EYS: variants seen among roughly 807,000 people sequenced by gnomAD.
The protein encoded by EYS is protein eyes shut homolog.
A neutral mutation model predicts 282.1 loss-of-function variants in EYS; 250 were observed. That is an observed-to-expected ratio of 0.89 (90% confidence interval 0.80 to 0.98). EYS has a LOEUF of 0.98. Ranked by LOEUF, EYS falls within the 50% of genes least tolerant of loss-of-function variation. The probability of loss-of-function intolerance (pLI) is 0.00; values close to 1 mark genes in which losing one functional copy is unlikely to be tolerated. For synonymous variants in EYS, 1,355 were observed against 1,282.9 expected (o/e 1.06, Z -1.20); for missense variants, 4,016 against 3,709.0 (o/e 1.08, Z -2.15).
chr6:65,512,131 C>T lies in EYS; in HGVS notation c.-332-16138G>A, dbSNP rs186823905. On this transcript the variant is annotated intron_variant, in intron 2 of 42. Transcript: ENST00000503581. ...CCATTTCTGTGAAATTTTTCCCTAA[C>T]TTTCCGGCACACTTAGACATTACTA... Among the ~76,000 whole-genome samples, 174 of 152,062 alleles carry T rather than the reference C, an allele frequency of 1.1e-3. 1 individual carries two copies. Among genetic ancestry groups the T allele is most frequent in the Non-Finnish European group, 1.8e-4 (12 of 67,992 alleles).
chr6:65,694,085 T>C (rs1769344915), intron 1 of EYS, among the ~76,000 whole-genome samples: 1 of 150,134 alleles, frequency 6.7e-6, no homozygotes, highest in Non-Finnish European at 1.5e-5. Flanking sequence ...TTAAAAATTA[T>C]GTATAATAAC....
At chr6:65,324,159 G>T (rs4032788) in intron 11 of EYS, among the ~76,000 whole-genome samples, 1 of 151,390 alleles carries the variant, frequency 6.6e-6, no homozygotes, top group African/African-American at 2.4e-5. Context: ...CCCTTTCCCA[G>T]CTTTCTTTAT....
chr6:63,771,386 A>G (rs1449001767), intron 40 of EYS, among the ~76,000 whole-genome samples: 2 of 152,196 alleles, frequency 1.3e-5, no homozygotes, highest in Non-Finnish European at 2.9e-5. Context: ...GAAGTTATTT[A>G]GGTGGCCATG....
At chr6:64,629,871 AT>A (rs1271984403) in intron 22 of EYS, among the ~76,000 whole-genome samples, 1 of 152,134 alleles carries the variant, frequency 6.6e-6, no homozygotes, top group African/African-American at 2.4e-5. Context: ...TTCCTGTTCA[AT>A]CTACATACCT....
intron 30 of EYS, among the ~76,000 whole-genome samples, chr6:64,303,110 G>A (rs1442620730): frequency 6.6e-6 from 1 of 152,130 alleles, no homozygotes; most frequent in East Asian, 1.9e-4. Flanking sequence ...TACTTGCTAT[G>A]CTTTATTAAC....
At chr6:64,274,758 C>A (rs9353681) in intron 30 of EYS, among the ~76,000 whole-genome samples, 7 of 151,974 alleles carry the variant, frequency 4.6e-5, no homozygotes, top group African/African-American at 1.4e-4. Flanking sequence ...TCTACAAGTA[C>A]CGAACTTAGA....
intron 12 of EYS, among the ~76,000 whole-genome samples, chr6:65,235,341 A>G (rs1766894645): frequency 3.3e-5 from 5 of 152,180 alleles, no homozygotes; most frequent in African/African-American, 1.2e-4. Context: ...ATTGAAATAA[A>G]TGGAATATGT....
intron 1 of EYS, among the ~76,000 whole-genome samples, chr6:65,667,319 T>C (rs1768234619): frequency 6.6e-6 from 1 of 151,882 alleles, no homozygotes; most frequent in Non-Finnish European, 1.5e-5. Context: ...AAAACTCATG[T>C]AATCTGTTCC....
chr6:64,661,313 G>T (rs1443984329), intron 22 of EYS, among the ~76,000 whole-genome samples: 2 of 152,120 alleles, frequency 1.3e-5, no homozygotes, highest in African/African-American at 4.8e-5. Context: ...ATACCATTCA[G>T]GACATAGGTA....
At chr6:64,331,725 A>G (rs1770654580) in intron 29 of EYS, among the ~76,000 whole-genome samples, 1 of 152,208 alleles carries the variant, frequency 6.6e-6, no homozygotes, top group South Asian at 2.1e-4. Context: ...TTTGTGAGCA[A>G]TGTTTAACTT....
chr6:65,643,316 C>G (rs1357126311), intron 1 of EYS, among the ~76,000 whole-genome samples: 1 of 152,134 alleles, frequency 6.6e-6, no homozygotes, highest in Non-Finnish European at 1.5e-5. Flanking sequence ...ACCTAATACA[C>G]CTGGGAATAT....
chr6:65,635,380 C>G (rs993527076), intron 2 of EYS, among the ~76,000 whole-genome samples: 4 of 152,156 alleles, frequency 2.6e-5, no homozygotes, highest in African/African-American at 9.7e-5. Context: ...TAAAAGAGAT[C>G]TGATTTAACC....
intron 14 of EYS, among the ~76,000 whole-genome samples, chr6:64,959,108 T>C (rs1769826704): frequency 6.6e-6 from 1 of 152,202 alleles, no homozygotes; most frequent in South Asian, 2.1e-4. Context: ...TCAGTCGTAG[T>C]TGTGGTAACC....
intron 32 of EYS, among the ~76,000 whole-genome samples, chr6:64,071,521 A>G (rs978515678): frequency 6.6e-6 from 1 of 151,154 alleles, no homozygotes; most frequent in Non-Finnish European, 1.5e-5. Flanking sequence ...ACATAAATTA[A>G]TAAGTAAATA....
chr6:63,927,011 G>A (rs1764735429), intron 35 of EYS, among the ~76,000 whole-genome samples: 1 of 152,104 alleles, frequency 6.6e-6, no homozygotes, highest in Admixed American at 6.5e-5. Flanking sequence ...AGAAAGATTG[G>A]GTGGGTGTCG....
intron 31 of EYS, among the ~76,000 whole-genome samples, chr6:64,168,668 T>C (rs1396940683): frequency 6.6e-6 from 1 of 152,184 alleles, no homozygotes; most frequent in Non-Finnish European, 1.5e-5. Context: ...TATTGTACAA[T>C]TCCATTTTAT....
intron 26 of EYS, among the ~76,000 whole-genome samples, chr6:64,547,093 G>T (rs547886675): frequency 6.6e-6 from 1 of 152,236 alleles, no homozygotes; most frequent in South Asian, 2.1e-4. Context: ...GGTCTTGCTG[G>T]CTCAGGAGTG....
chr6:65,058,648 T>C (rs1315519249), intron 12 of EYS, among the ~76,000 whole-genome samples: 1 of 150,918 alleles, frequency 6.6e-6, no homozygotes, highest in African/African-American at 2.4e-5. Context: ...CCATTAACTA[T>C]ATAGTCTTAG....
chr6:64,941,496 C>A (rs1256625606), intron 15 of EYS, among the ~76,000 whole-genome samples: 1 of 152,024 alleles, frequency 6.6e-6, no homozygotes, highest in East Asian at 1.9e-4. Context: ...AGTACATGTG[C>A]AACTGTTACA....
Sources: allele counts gnomAD v4.1 joint callset (sites outside exome capture counted in the v4.1 genomes callset), GRCh38; gene constraint gnomAD v4.1.1; transcripts MANE v1.5; gene names NCBI Gene and HGNC (gene_info 2026-07-23, HGNC 2026-07-21).